The following CDH13 variants were observed in gnomAD, a reference collection of about 807,000 sequenced individuals.
CDH13 encodes cadherin-13.
In CDH13, 24 loss-of-function variants were observed where a neutral mutation model predicts 63.8. The observed-to-expected ratio is 0.38, with a 90% CI of 0.27 to 0.53. CDH13 has a LOEUF of 0.53. Among genes scored for constraint, CDH13 ranks in the 20% least tolerant of loss-of-function variants. The pLI is 0.85. For missense variants in CDH13, 1,049 were observed against 903.1 expected (o/e 1.16, Z -2.07); for synonymous variants, 503 against 355.3 (o/e 1.42, Z -4.67).
intron 1 of CDH13, among the ~76,000 whole-genome samples, chr16:82,751,699 C>G (rs1555510824): frequency 1.8e-5 from 2 of 108,990 alleles, no homozygotes; most frequent in Admixed American, 2.0e-4. Flanking sequence ...CCATGGAAAA[C>G]AGGTAAAAAA....
intron 1 of CDH13, among the ~76,000 whole-genome samples, chr16:82,656,687 C>T (rs987447532): frequency 3.9e-5 from 6 of 152,136 alleles, no homozygotes; most frequent in Non-Finnish European, 5.9e-5. Flanking sequence ...ATTATGATAT[C>T]ACACAGAATA....
intron 1 of CDH13, among the ~76,000 whole-genome samples, chr16:82,660,935 C>T (rs1161010209): frequency 1.4e-5 from 2 of 143,814 alleles, no homozygotes; most frequent in African/African-American, 2.6e-5. Context: ...TTTCTTTTAT[C>T]AAAAAAAAAA....
intron 7 of CDH13, among the ~76,000 whole-genome samples, chr16:83,600,238 C>T (rs539934022): frequency 5.9e-5 from 9 of 152,286 alleles, no homozygotes; most frequent in Admixed American, 5.9e-4. Context: ...CACTTGTACT[C>T]AGCAGTCAGA....
intron 6 of CDH13, among the ~76,000 whole-genome samples, chr16:83,396,059 C>G (rs774048916): frequency 6.6e-6 from 1 of 152,152 alleles, no homozygotes; most frequent in Non-Finnish European, 1.5e-5. Flanking sequence ...GTTTTCTGTT[C>G]CTGTGTTAGT....
intron 6 of CDH13, among the ~76,000 whole-genome samples, chr16:83,467,895 T>C (rs552893488): frequency 9.2e-5 from 14 of 152,338 alleles, no homozygotes; most frequent in Middle Eastern, 3.4e-3. Flanking sequence ...ACAGTCCGTT[T>C]GACAGGGTGA....
intron 2 of CDH13, among the ~76,000 whole-genome samples, chr16:82,981,547 C>G (rs1840066829): frequency 6.6e-6 from 1 of 152,156 alleles, no homozygotes; most frequent in Admixed American, 6.5e-5. Flanking sequence ...AACTAGTCTT[C>G]CCCTGCTGGT....
At chr16:83,067,403 C>T (rs1182755611) in intron 3 of CDH13, among the ~76,000 whole-genome samples, 1 of 152,090 alleles carries the variant, frequency 6.6e-6, no homozygotes, top group Non-Finnish European at 1.5e-5. Flanking sequence ...AAAATGGGAA[C>T]CATCCATAGT....
chr16:83,243,228 T>C (rs750710003), intron 5 of CDH13, among the ~76,000 whole-genome samples: 7 of 152,132 alleles, frequency 4.6e-5, no homozygotes, highest in Non-Finnish European at 1.0e-4. Flanking sequence ...ACGCTGCTGA[T>C]AAAAACATAC....
intron 8 of CDH13, among the ~76,000 whole-genome samples, chr16:83,661,725 G>A (rs960875581): frequency 4.6e-5 from 7 of 152,324 alleles, no homozygotes; most frequent in African/African-American, 1.7e-4. Context: ...TCACTGGAAG[G>A]TGGACTGTGC....
At chr16:83,768,430 A>G (rs985102729) in intron 11 of CDH13, among the ~76,000 whole-genome samples, 3 of 152,214 alleles carry the variant, frequency 2.0e-5, no homozygotes, top group Non-Finnish European at 2.9e-5. Flanking sequence ...TCAATATGCC[A>G]TGACACCAGG....
At chr16:82,888,301 A>G (rs1208424989) in intron 2 of CDH13, among the ~76,000 whole-genome samples, 1 of 152,164 alleles carries the variant, frequency 6.6e-6, no homozygotes, top group East Asian at 1.9e-4. Context: ...TAAAGGCAAA[A>G]GGTTTGATCT....
chr16:83,378,444 G>A (rs925203135), intron 6 of CDH13, among the ~76,000 whole-genome samples: 2 of 152,138 alleles, frequency 1.3e-5, no homozygotes, highest in African/African-American at 2.4e-5. Context: ...TTATGTTCTA[G>A]TTGTCTGCAA....
chr16:82,708,793 A>T (rs886947893), intron 1 of CDH13, among the ~76,000 whole-genome samples: 1 of 152,202 alleles, frequency 6.6e-6, no homozygotes, highest in Non-Finnish European at 1.5e-5. Flanking sequence ...ACCCCTCCCC[A>T]GACTGACCCA....
chr16:83,461,743 G>A (rs1036219071), intron 6 of CDH13, among the ~76,000 whole-genome samples: 18 of 152,148 alleles, frequency 1.2e-4, no homozygotes, highest in Non-Finnish European at 2.2e-4. Flanking sequence ...ATGGTCAGAG[G>A]GTGGTAACTA....
intron 1 of CDH13, among the ~76,000 whole-genome samples, chr16:82,747,031 T>C (rs1567493523): frequency 6.6e-6 from 1 of 152,228 alleles, no homozygotes; most frequent in Non-Finnish European, 1.5e-5. Flanking sequence ...AGTCCTCTTC[T>C]ATTCAGGCAT....
chr16:82,683,742 T>G (rs905890602), intron 1 of CDH13, among the ~76,000 whole-genome samples: 33 of 152,332 alleles, frequency 2.2e-4, no homozygotes, highest in African/African-American at 7.9e-4. Context: ...CAGTCCATAC[T>G]TTCTTAATGA....
intron 6 of CDH13, among the ~76,000 whole-genome samples, chr16:83,486,141 T>TAAAAGAAAGAAAA (rs1555558542): frequency 6.6e-6 from 1 of 150,708 alleles, no homozygotes; most frequent in Admixed American, 6.6e-5. Flanking sequence ...AGACTCTGTC[T>TAAAAGAAAGAAAA]AAAAAAATGA....
chr16:83,377,157 C>G (rs1031669403), intron 6 of CDH13, among the ~76,000 whole-genome samples: 1 of 152,040 alleles, frequency 6.6e-6, no homozygotes, highest in Non-Finnish European at 1.5e-5. Context: ...ATCATAAACA[C>G]GATAAAAGTG....
At chr16:83,051,492 A>G (rs2151505501) in intron 3 of CDH13, among the ~76,000 whole-genome samples, 1 of 152,270 alleles carries the variant, frequency 6.6e-6, no homozygotes, top group Middle Eastern at 3.4e-3. Context: ...ATTTCTTTTC[A>G]TTTTTGCTTT....
Sources: allele counts gnomAD v4.1 joint callset (sites outside exome capture counted in the v4.1 genomes callset), GRCh38; gene constraint gnomAD v4.1.1; transcripts MANE v1.5; gene names NCBI Gene and HGNC (gene_info 2026-07-23, HGNC 2026-07-21).